FGGY: variants seen among roughly 807,000 people sequenced by gnomAD.
The protein encoded by FGGY is FGGY carbohydrate kinase domain-containing protein.
FGGY carries 72 observed loss-of-function variants against 71.3 expected under a neutral mutation model. The ratio of observed to expected loss-of-function variants is 1.01; its 90% CI spans 0.84 to 1.23. The LOEUF (loss-of-function observed/expected upper bound fraction) is 1.23. Among genes scored for constraint, FGGY ranks in the 50% most tolerant of loss-of-function variants. The pLI, the probability that FGGY is intolerant of heterozygous loss-of-function variation, is 0.00. For missense variants in FGGY, 668 were observed against 682.3 expected (o/e 0.98, Z 0.23); for synonymous variants, 251 against 250.3 (o/e 1.00, Z -0.02).
intron 6 of FGGY, among the ~76,000 whole-genome samples, chr1:59,506,054 C>T (rs893875345): frequency 2.6e-5 from 4 of 152,016 alleles, no homozygotes; most frequent in East Asian, 3.9e-4. Context: ...GTGTGTACAC[C>T]GAGACAGAGA....
chr1:59,401,005 A>T (rs1021683794), intron 5 of FGGY, among the ~76,000 whole-genome samples: 3 of 152,140 alleles, frequency 2.0e-5, no homozygotes, highest in Non-Finnish European at 4.4e-5. Context: ...CATAAAGATG[A>T]GAATTATAAT....
At chr1:59,535,066 T>C (rs932617694) in intron 7 of FGGY, among the ~76,000 whole-genome samples, 15 of 152,166 alleles carry the variant, frequency 9.9e-5, no homozygotes, top group African/African-American at 3.1e-4. Context: ...GACCCATCAG[T>C]GTGCTGTATT....
chr1:59,316,365 G>A (rs1486430463), intron 1 of FGGY: 1 of 152,134 alleles, frequency 6.6e-6, no homozygotes, highest in Non-Finnish European at 1.5e-5. Context: ...TGTCATCATA[G>A]GCAGCAATCT....
chr1:59,548,926 A>T (rs533531945), intron 7 of FGGY, among the ~76,000 whole-genome samples: 55 of 152,374 alleles, frequency 3.6e-4, no homozygotes, highest in Non-Finnish European at 6.2e-4. Context: ...AAATTGAGGC[A>T]TAAGGAAGAT....
At chr1:59,732,591 C>A (rs2098047351) in intron 14 of FGGY, among the ~76,000 whole-genome samples, 1 of 151,960 alleles carries the variant, frequency 6.6e-6, no homozygotes, top group African/African-American at 2.4e-5. Context: ...GTTCTTATCA[C>A]TCTGTCCTCT....
intron 14 of FGGY, among the ~76,000 whole-genome samples, chr1:59,735,187 C>T (rs930822390): frequency 1.3e-5 from 2 of 152,082 alleles, no homozygotes; most frequent in African/African-American, 4.8e-5. Flanking sequence ...CTTCACTCTC[C>T]CCCTCTCCAA....
chr1:59,432,069 C>G (rs1320920447), intron 5 of FGGY, among the ~76,000 whole-genome samples: 9 of 152,112 alleles, frequency 5.9e-5, no homozygotes, highest in Admixed American at 5.9e-4. Flanking sequence ...GGGAGAGAGG[C>G]TGGAGATTGA....
chr1:59,297,511 C>T (rs1471983154), intron 1 of FGGY, among the ~76,000 whole-genome samples: 2 of 152,174 alleles, frequency 1.3e-5, no homozygotes, highest in Non-Finnish European at 2.9e-5. Flanking sequence ...CATTTTTAGC[C>T]GTTTCCTTTT....
intron 5 of FGGY, among the ~76,000 whole-genome samples, chr1:59,428,878 G>A (rs560788720): frequency 6.6e-5 from 10 of 152,314 alleles, no homozygotes; most frequent in South Asian, 6.2e-4. Flanking sequence ...GAAAGGTGGC[G>A]TGAGGATCCC....
At chr1:59,614,897 C>T (rs2096734104) in intron 9 of FGGY, among the ~76,000 whole-genome samples, 1 of 152,180 alleles carries the variant, frequency 6.6e-6, no homozygotes, top group Non-Finnish European at 1.5e-5. Context: ...CTCCCATTCA[C>T]AATTGCTTCA....
chr1:59,430,075 C>T (rs2067070079), intron 5 of FGGY, among the ~76,000 whole-genome samples: 1 of 152,194 alleles, frequency 6.6e-6, no homozygotes, highest in Non-Finnish European at 1.5e-5. Context: ...GGAATAAACC[C>T]CAGGCCATAA....
intron 9 of FGGY, among the ~76,000 whole-genome samples, chr1:59,616,752 A>C (rs150425294): frequency 6.6e-6 from 1 of 152,158 alleles, no homozygotes; most frequent in African/African-American, 2.4e-5. Context: ...AATGATAGTC[A>C]TAATTACAAT....
intron 4 of FGGY, among the ~76,000 whole-genome samples, chr1:59,367,588 T>G (rs895800480): frequency 2.0e-5 from 3 of 152,258 alleles, no homozygotes; most frequent in Non-Finnish European, 4.4e-5. Flanking sequence ...AGTAGATTAC[T>G]TGGATAATCC....
At chr1:59,498,632 A>G (rs1370184462) in intron 6 of FGGY, among the ~76,000 whole-genome samples, 1 of 152,168 alleles carries the variant, frequency 6.6e-6, no homozygotes, top group African/African-American at 2.4e-5. Flanking sequence ...GGGACTGAGA[A>G]TGCACACTTC....
chr1:59,705,454 C>G (rs2097750722), intron 14 of FGGY, among the ~76,000 whole-genome samples: 1 of 152,100 alleles, frequency 6.6e-6, no homozygotes, highest in African/African-American at 2.4e-5. Context: ...GAGTGTTTTA[C>G]CAAGGGCAAA....
chr1:59,345,675 C>T (rs917210808), intron 3 of FGGY, among the ~76,000 whole-genome samples: 1 of 151,826 alleles, frequency 6.6e-6, no homozygotes, highest in Admixed American at 6.6e-5. Flanking sequence ...AATTCCAAAA[C>T]CCATGAGCTT....
At chr1:59,718,896 C>T (rs1261023434) in intron 14 of FGGY, among the ~76,000 whole-genome samples, 2 of 152,228 alleles carry the variant, frequency 1.3e-5, no homozygotes, top group Non-Finnish European at 2.9e-5. Context: ...TCCCAGTGCC[C>T]TTAGCTTTAG....
At chr1:59,309,102 T>C (rs1309551816) in intron 1 of FGGY, among the ~76,000 whole-genome samples, 1 of 152,170 alleles carries the variant, frequency 6.6e-6, no homozygotes, top group African/African-American at 2.4e-5. Flanking sequence ...AAAGACTTGA[T>C]TTTAAAAATG....
At chr1:59,731,759 CTGAG>C (rs1296665631) in intron 14 of FGGY, among the ~76,000 whole-genome samples, 4 of 152,064 alleles carry the variant, frequency 2.6e-5, no homozygotes, top group African/African-American at 9.7e-5. Flanking sequence ...AGTTGAGGCA[CTGAG>C]TAAGTCCTGC....
Sources: gnomAD v4.1 joint callset for allele counts (sites outside exome capture counted in the v4.1 genomes callset) on GRCh38, gnomAD v4.1.1 for gene constraint, MANE v1.5 for transcripts, NCBI Gene and HGNC (gene_info 2026-07-23, HGNC 2026-07-21) for gene names.